The following GASK1A variants were observed in gnomAD, a reference collection of about 807,000 sequenced individuals.
GASK1A encodes the protein Golgi-associated kinase 1A.
A neutral mutation model predicts 41.2 loss-of-function variants in GASK1A; 40 were observed. The ratio of observed to expected loss-of-function variants is 0.97; its 90% CI spans 0.75 to 1.27. GASK1A has a LOEUF of 1.27. Ranked by LOEUF, GASK1A falls within the 50% of genes most tolerant of loss-of-function variation. The pLI is 0.00. For missense variants in GASK1A, 678 were observed against 745.1 expected, an observed-to-expected ratio of 0.91 and a Z score of 1.05; for synonymous variants, 316 against 307.1, an observed-to-expected ratio of 1.03 and a Z score of -0.30.
intron 1 of GASK1A, among the ~76,000 whole-genome samples, chr3:43,031,134 T>G (rs904507064): frequency 6.6e-6 from 1 of 152,192 alleles, no homozygotes; most frequent in Non-Finnish European, 1.5e-5. Context: ...GTAAACTTAA[T>G]TTGGGGAGTT....
At chr3:42,995,746 T>C (rs1439336932) in intron 1 of GASK1A, among the ~76,000 whole-genome samples, 3 of 152,194 alleles carry the variant, frequency 2.0e-5, no homozygotes, top group Non-Finnish European at 4.4e-5. Context: ...CCTCCCCTTC[T>C]TCTCTGAGGT....
At chr3:42,999,386 C>T (rs941038590) in intron 1 of GASK1A, among the ~76,000 whole-genome samples, 6 of 152,212 alleles carry the variant, frequency 3.9e-5, no homozygotes, top group African/African-American at 1.4e-4. Flanking sequence ...TGAAGGTGCC[C>T]AGCAACCTCT....
rs540709960 is a variant in GASK1A, at chr3:42,994,667, C to T, written c.3+15022C>T. 1.4e-4 allele frequency among the ~76,000 whole-genome samples: 22 copies of T among 152,212 alleles called. No homozygotes were observed. In the South Asian group the frequency reaches 4.6e-3, roughly 32 times the overall value. ...CTTCTCTGAATCCAAGAGGGTCCAT[C>T]AGACACTGCCAGGCACTTCTCTTGT... On this transcript the variant is annotated intron_variant, in intron 1 of 4. Transcript: ENST00000430121.
chr3:43,019,476 C>G (rs560624180), intron 1 of GASK1A, among the ~76,000 whole-genome samples: 7 of 152,320 alleles, frequency 4.6e-5, no homozygotes, highest in Non-Finnish European at 8.8e-5. Flanking sequence ...CTGCTGAGTT[C>G]CTCCTAGGAC....
chr3:43,026,658 A>G (rs1000588270), intron 1 of GASK1A, among the ~76,000 whole-genome samples: 3 of 152,130 alleles, frequency 2.0e-5, no homozygotes, highest in Non-Finnish European at 4.4e-5. Context: ...GTGAATAAAT[A>G]TTAGGTAAAA....
chr3:43,037,147 C>T (rs1264408800), intron 2 of GASK1A: 5 of 1,002,838 alleles, frequency 5.0e-6, no homozygotes, highest in Non-Finnish European at 7.6e-6. Context: ...CAGGGCAGAC[C>T]TCCTTATGCT....
At chr3:42,987,247 A>G (rs553427528) in intron 1 of GASK1A, among the ~76,000 whole-genome samples, 2 of 152,304 alleles carry the variant, frequency 1.3e-5, no homozygotes, top group East Asian at 1.9e-4. Flanking sequence ...CATACAATCT[A>G]AACTAATCCT....
Position 43,017,552 on chromosome 3 carries a change from C to T in GASK1A, c.4-14715C>T, listed in dbSNP as rs551409354. On this transcript the variant is annotated intron_variant, in intron 1 of 4. Transcript: ENST00000430121. ...GCCACAGGAAGGGGCAGTAGGAAGTCACAGGAAGGGAGGAAGGGGTAGTGG... is the reference window on the plus strand; with the variant it reads ...GCCACAGGAAGGGGCAGTAGGAAGTTACAGGAAGGGAGGAAGGGGTAGTGG... Among the ~76,000 whole-genome samples, 7 of 130,300 alleles carry T rather than the reference C, an allele frequency of 5.4e-5. No individual in the cohort carries two copies. The Admixed American group carries it at 6.0e-4, about 11-fold the overall frequency. 85.5% of individuals were successfully genotyped at this position (130,300 alleles called of 152,430 possible).
At position 43,045,971 on chromosome 3, in the gene GASK1A, C is replaced by T. The variant is rs114349516; in HGVS notation, c.1291-7550C>T. On this transcript the variant is annotated intron_variant, in intron 2 of 4. Coordinates refer to ENST00000430121, the MANE Select transcript of GASK1A (RefSeq NM_001129908.3). ...CTGAGGCCTCCTCAGCCATGCAGAA[C>T]AATGAGTCAATTAAATCTCTTTCCT... Among the ~76,000 whole-genome samples the T allele has an allele frequency of 2.5e-3, 378 of 152,318 alleles. 1 individual carries two copies. The highest frequency in any genetic ancestry group is 8.9e-3 in the African/African-American group (368 of 41,574).
At chr3:43,035,201 A>G (rs140464640) in intron 2 of GASK1A, among the ~76,000 whole-genome samples, 1 of 152,258 alleles carries the variant, frequency 6.6e-6, no homozygotes, top group East Asian at 1.9e-4. Context: ...GTGCACCCCA[A>G]CCTCATCCCC....
chr3:43,043,119 A>G (rs1332505691), intron 2 of GASK1A, among the ~76,000 whole-genome samples: 1 of 152,158 alleles, frequency 6.6e-6, no homozygotes, highest in African/African-American at 2.4e-5. Context: ...GCCTCCAACT[A>G]TGCTGCAACT....
intron 1 of GASK1A, among the ~76,000 whole-genome samples, chr3:43,001,089 C>T (rs1001655190): frequency 6.6e-6 from 1 of 152,190 alleles, no homozygotes; most frequent in Non-Finnish European, 1.5e-5. Flanking sequence ...TCCTCCACCC[C>T]TGCCCCTCCC....
intron 1 of GASK1A, 150 bp from the exon 2 acceptor site, chr3:43,032,117 G>C: frequency 1.6e-6 from 1 of 630,224 alleles, no homozygotes; most frequent in Non-Finnish European, 2.6e-6. Context: ...TTCCTTTCTT[G>C]AAGGCAGCCA....
At chr3:43,051,158 T>C (rs2089686603) in intron 2 of GASK1A, among the ~76,000 whole-genome samples, 1 of 152,204 alleles carries the variant, frequency 6.6e-6, no homozygotes, top group South Asian at 2.1e-4. Context: ...TTCCCCAGGA[T>C]TTTTGTCATT....
intron 1 of GASK1A, among the ~76,000 whole-genome samples, chr3:43,018,087 G>C (rs2089503208): frequency 6.6e-6 from 1 of 152,216 alleles, no homozygotes; most frequent in Non-Finnish European, 1.5e-5. Context: ...GTTACGGGAA[G>C]TTGTTGAATG....
intron 2 of GASK1A, among the ~76,000 whole-genome samples, chr3:43,049,395 T>C (rs2089677872): frequency 6.6e-6 from 1 of 152,134 alleles, no homozygotes; most frequent in Non-Finnish European, 1.5e-5. Flanking sequence ...TATTTCAAAT[T>C]TGCTGTTTGA....
At chr3:43,006,938 TC>T (rs1449126830) in intron 1 of GASK1A, among the ~76,000 whole-genome samples, 1 of 151,770 alleles carries the variant, frequency 6.6e-6, no homozygotes, top group Non-Finnish European at 1.5e-5. Context: ...AAAGCTTTGC[TC>T]CACTCGACAT....
chr3:43,009,508 C>T (rs1338489277), intron 1 of GASK1A, among the ~76,000 whole-genome samples: 2 of 152,190 alleles, frequency 1.3e-5, no homozygotes, highest in Non-Finnish European at 2.9e-5. Flanking sequence ...CTGGGAAGGG[C>T]TTGGTCTCTG....
chr3:43,040,745 A>G (rs1352937032), intron 2 of GASK1A, among the ~76,000 whole-genome samples: 1 of 151,306 alleles, frequency 6.6e-6, no homozygotes, highest in Non-Finnish European at 1.5e-5. Context: ...ATTTTTTATT[A>G]TTATACTTTA....
Sources: allele counts gnomAD v4.1 joint callset (sites outside exome capture counted in the v4.1 genomes callset), GRCh38; gene constraint gnomAD v4.1.1; transcripts MANE v1.5; gene names NCBI Gene and HGNC (gene_info 2026-07-23, HGNC 2026-07-21).